Variants in ZNF423 observed in about 807,000 individuals in gnomAD.
ZNF423 encodes the protein zinc finger protein 423, also known as Ebf-associated zinc finger protein.
In ZNF423, 12 loss-of-function variants were observed where a neutral mutation model predicts 95.8. That is an observed-to-expected ratio of 0.13 (90% CI 0.08 to 0.20). The LOEUF is 0.20. Among genes scored for constraint, ZNF423 ranks in the 10% least tolerant of loss-of-function variants. ZNF423 has a pLI of 1.00. For synonymous variants in ZNF423, 749 were observed against 711.9 expected, an observed-to-expected ratio of 1.05 and a Z score of -0.83; for missense variants, 1,316 against 1,737.1, an observed-to-expected ratio of 0.76 and a Z score of 4.31.
chr16:49,608,991 C>T (rs777703758), intron 5 of ZNF423, among the ~76,000 whole-genome samples: 1 of 152,148 alleles, frequency 6.6e-6, no homozygotes, highest in Non-Finnish European at 1.5e-5. Flanking sequence ...AGTAACAAGG[C>T]CTTTCCCCAT....
intron 5 of ZNF423, among the ~76,000 whole-genome samples, chr16:49,565,072 C>G (rs1970143963): frequency 6.6e-6 from 1 of 152,190 alleles, no homozygotes; most frequent in Non-Finnish European, 1.5e-5. Flanking sequence ...CTCCCCAGCT[C>G]GACCCAGCAG....
At chr16:49,733,793 C>T (rs185243968) in intron 2 of ZNF423, among the ~76,000 whole-genome samples, 1 of 152,208 alleles carries the variant, frequency 6.6e-6, no homozygotes, top group African/African-American at 2.4e-5. Flanking sequence ...CCCTGAAGAC[C>T]CAAGGGCCCC....
intron 1 of ZNF423, among the ~76,000 whole-genome samples, chr16:49,829,502 C>G (rs1178907380): frequency 1.3e-5 from 2 of 152,120 alleles, no homozygotes; most frequent in Non-Finnish European, 2.9e-5. Flanking sequence ...GCAAAGTGAC[C>G]AAACCTGTGC....
intron 2 of ZNF423, among the ~76,000 whole-genome samples, chr16:49,742,236 A>C (rs2033428547): frequency 6.6e-6 from 1 of 152,102 alleles, no homozygotes; most frequent in African/African-American, 2.4e-5. Context: ...CGGAAGGTAA[A>C]GAGAGATGGC....
chr16:49,517,239 C>T (rs1023203300), intron 7 of ZNF423, among the ~76,000 whole-genome samples: 1 of 152,200 alleles, frequency 6.6e-6, no homozygotes, highest in Non-Finnish European at 1.5e-5. Flanking sequence ...AGCTTAATTT[C>T]CCTTCTAGCT....
intron 3 of ZNF423, among the ~76,000 whole-genome samples, chr16:49,683,432 G>A (rs1478091831): frequency 1.3e-5 from 2 of 152,138 alleles, no homozygotes; most frequent in African/African-American, 4.8e-5. Flanking sequence ...TTCAGGATGT[G>A]GGCGGTGGAG....
upstream of ZNF423, chr16:49,857,711 C>T (rs1288822961): frequency 1.3e-5 from 2 of 152,386 alleles, no homozygotes; most frequent in African/African-American, 4.8e-5. The surrounding 1 kb of genome is among the most constrained non-coding windows in gnomAD (Gnocchi z 6.2). Context: ...TGTGCACTTC[C>T]TCTGTCCGAC....
intron 4 of ZNF423, among the ~76,000 whole-genome samples, chr16:49,626,695 ACCATCCATCCTCCATCTAC>A (rs537608754): frequency 1.4e-4 from 21 of 149,760 alleles, no homozygotes; most frequent in Non-Finnish European, 2.5e-4. Flanking sequence ...CTATCCATCT[ACCATCCATCCTCCATCTAC>A]CCATCCATCC....
intron 2 of ZNF423, among the ~76,000 whole-genome samples, chr16:49,740,588 T>C (rs2033394522): frequency 6.6e-6 from 1 of 152,354 alleles, no homozygotes; most frequent in East Asian, 1.9e-4. Context: ...TAATTTGCTG[T>C]CCAAGTTCGG....
chr16:49,727,719 C>A (rs2033062160), intron 3 of ZNF423, among the ~76,000 whole-genome samples: 1 of 152,192 alleles, frequency 6.6e-6, no homozygotes, highest in Non-Finnish European at 1.5e-5. Flanking sequence ...GTTGTTCACA[C>A]CCCAGGTCAC....
chr16:49,676,413 T>C (rs1416223514), intron 3 of ZNF423, among the ~76,000 whole-genome samples: 1 of 152,058 alleles, frequency 6.6e-6, no homozygotes, highest in East Asian at 1.9e-4. Flanking sequence ...GGGACTTTAG[T>C]CCCAGAAGGG....
At chr16:49,607,312 TAAG>T (rs143031241) in intron 5 of ZNF423, among the ~76,000 whole-genome samples, 7,675 of 152,226 alleles carry the variant, frequency 0.05, 664 homozygotes, top group African/African-American at 0.17. Flanking sequence ...TTCATAAACA[TAAG>T]AAGATTAACT....
At position 49,534,848 on chromosome 16, in the gene ZNF423, C is replaced by T. The variant is rs918608604; in HGVS notation, c.3602-9354G>A. 3.9e-5 allele frequency among the ~76,000 whole-genome samples: 6 copies of T among 152,256 alleles called. No homozygotes were observed. In the South Asian group the frequency reaches 8.3e-4, roughly 21 times the overall value. On this transcript the variant is annotated intron_variant, in intron 5 of 7. Transcript: ENST00000563137. ...TACCTCCACACCACTCCCATATTTG[C>T]GATGGCGAAACTCGTGTCCAGATTT... is the stretch of plus-strand genomic sequence containing the variant.
intron 1 of ZNF423, among the ~76,000 whole-genome samples, chr16:49,792,899 C>T (rs1182175810): frequency 6.6e-6 from 1 of 151,984 alleles, no homozygotes; most frequent in African/African-American, 2.4e-5. Flanking sequence ...ATAGCTAAGA[C>T]TATAAGCGTG....
chr16:49,538,112 C>T (rs1969117358), intron 5 of ZNF423, among the ~76,000 whole-genome samples: 1 of 152,208 alleles, frequency 6.6e-6, no homozygotes, highest in South Asian at 2.1e-4. Flanking sequence ...CAGCTCCTGA[C>T]AGCCCCCACC....
intron 2 of ZNF423, among the ~76,000 whole-genome samples, chr16:49,751,758 T>C (rs1163688420): frequency 6.6e-6 from 1 of 152,172 alleles, no homozygotes; most frequent in Non-Finnish European, 1.5e-5. Context: ...CACCCATGCA[T>C]GGGCTCTGCT....
chr16:49,491,818 G>C (rs1966983958), intron 7 of ZNF423, among the ~76,000 whole-genome samples: 1 of 152,192 alleles, frequency 6.6e-6, no homozygotes, highest in Admixed American at 6.5e-5. Flanking sequence ...CACCCGAGCG[G>C]GCACAGGCGT....
At chr16:49,608,938 G>A (rs1035732638) in intron 5 of ZNF423, among the ~76,000 whole-genome samples, 1 of 152,138 alleles carries the variant, frequency 6.6e-6, no homozygotes, top group Non-Finnish European at 1.5e-5. Context: ...TGTGGCATCA[G>A]AGAAACCCTA....
chr16:49,798,928 T>A (rs554688820), intron 1 of ZNF423, among the ~76,000 whole-genome samples: 2 of 152,312 alleles, frequency 1.3e-5, no homozygotes, highest in South Asian at 4.1e-4. Context: ...CACCAGGGAA[T>A]AATCCAAGAA....
Sources: gnomAD v4.1 joint callset for allele counts (sites outside exome capture counted in the v4.1 genomes callset) on GRCh38, gnomAD v4.1.1 for gene constraint, Gnocchi (gnomAD v3.1) non-coding constraint, MANE v1.5 for transcripts, NCBI Gene and HGNC (gene_info 2026-07-23, HGNC 2026-07-21) for gene names.